The following MTHFD1L variants were observed in gnomAD, a reference collection of about 807,000 sequenced individuals.
MTHFD1L encodes monofunctional C1-tetrahydrofolate synthase, mitochondrial.
A neutral mutation model predicts 119.5 loss-of-function variants in MTHFD1L; 81 were observed. The ratio of observed to expected loss-of-function variants is 0.68; its 90% CI spans 0.57 to 0.82. The LOEUF (loss-of-function observed/expected upper bound fraction) is 0.82. Ranked by LOEUF, MTHFD1L falls within the 40% of genes least tolerant of loss-of-function variation. MTHFD1L has a pLI of 0.00. For missense variants in MTHFD1L, 1,125 were observed against 1,253.4 expected, an observed-to-expected ratio of 0.90 and a Z score of 1.55; for synonymous variants, 430 against 475.2, an observed-to-expected ratio of 0.90 and a Z score of 1.24.
chr6:150,926,261 G>C lies in MTHFD1L; in HGVS notation c.1222G>C (p.Asp408His). 2 of 1,613,354 alleles carry C rather than the reference G, an allele frequency of 1.2e-6. No homozygotes were observed. Among genetic ancestry groups the C allele is most frequent in the Non-Finnish European group, 1.7e-6 (2 of 1,179,456 alleles). ...VRLSVLERLKDQADGKYVLVA... is the reference protein window; with the variant it reads ...VRLSVLERLKHQADGKYVLVA... Reference sequence around the variant, plus strand: ...TTTGTCCGTGCTAGAAAGGTTAAAGGATCAAGCAGATGGAAAATACGTCTT... The same window carrying C: ...TTTGTCCGTGCTAGAAAGGTTAAAGCATCAAGCAGATGGAAAATACGTCTT... The change falls in exon 11 of 28, where the codon GAT becomes CAT. Residue 408 changes from aspartate (D) to histidine (H), a missense_variant. Asp to His is a moderately conservative substitution (Grantham distance 81). Around this residue, in one of 3 missense-constraint regions of MTHFD1L, gnomAD observed 1,058 missense variants for 1,151.2 expected, o/e 0.92. Transcript: ENST00000367321. The surrounding 1 kb of genome is among the most constrained non-coding windows in gnomAD (Gnocchi z 4.3).
At chr6:151,004,783 G>A (rs953898249) in intron 20 of MTHFD1L, among the ~76,000 whole-genome samples, 1 of 152,218 alleles carries the variant, frequency 6.6e-6, no homozygotes, top group African/African-American at 2.4e-5. Context: ...TGCACAATAA[G>A]AGTATTAGTC....
chr6:150,973,248 C>T (rs1776038183), intron 20 of MTHFD1L, among the ~76,000 whole-genome samples: 1 of 152,210 alleles, frequency 6.6e-6, no homozygotes, highest in Non-Finnish European at 1.5e-5. Flanking sequence ...TATGCTCAGA[C>T]ATCACAAAGT....
chr6:150,995,062 C>T (rs1291668153), intron 20 of MTHFD1L, among the ~76,000 whole-genome samples: 2 of 151,736 alleles, frequency 1.3e-5, no homozygotes, highest in South Asian at 2.1e-4. Context: ...AGGCTGAGGA[C>T]ATCTCAAGAG....
intron 26 of MTHFD1L, among the ~76,000 whole-genome samples, chr6:151,047,547 A>T (rs915697375): frequency 6.6e-6 from 1 of 152,198 alleles, no homozygotes; most frequent in Non-Finnish European, 1.5e-5. Context: ...TGCATTAAGT[A>T]CGCTTCCCAG....
intron 27 of MTHFD1L, among the ~76,000 whole-genome samples, chr6:151,094,653 C>T (rs763725955): frequency 8.5e-5 from 13 of 152,222 alleles, no homozygotes; most frequent in Non-Finnish European, 1.6e-4. Context: ...AAGCAATTCT[C>T]CTGCCTCAGC....
chr6:150,907,928 G>C (rs571340374), intron 8 of MTHFD1L, among the ~76,000 whole-genome samples: 2 of 143,364 alleles, frequency 1.4e-5, no homozygotes, highest in East Asian at 4.1e-4. Flanking sequence ...ACAGAGTCTT[G>C]CTCTGTCACC....
intron 20 of MTHFD1L, among the ~76,000 whole-genome samples, chr6:150,985,972 T>C (rs925983933): frequency 1.3e-5 from 2 of 152,214 alleles, no homozygotes; most frequent in Non-Finnish European, 2.9e-5. Flanking sequence ...TCAGCTGATA[T>C]ACTTGACACC....
intron 26 of MTHFD1L, among the ~76,000 whole-genome samples, chr6:151,064,615 T>A (rs1791020440): frequency 6.6e-6 from 1 of 152,116 alleles, no homozygotes; most frequent in Admixed American, 6.6e-5. Context: ...GCCCAGCCAG[T>A]GTTAAATTAT....
chr6:150,960,820 T>G (rs1322194369), intron 18 of MTHFD1L, among the ~76,000 whole-genome samples: 1 of 152,164 alleles, frequency 6.6e-6, no homozygotes, highest in Non-Finnish European at 1.5e-5. Flanking sequence ...TCTGCTTCCA[T>G]GAACAGGAAG....
Position 150,944,541 on chromosome 6 carries a change from T to A in MTHFD1L, c.1496T>A (p.Leu499Gln). 6.2e-7 allele frequency: 1 copy of A among 1,614,192 alleles called. No individual in the cohort carries two copies. Among genetic ancestry groups the A allele is most frequent in the Non-Finnish European group, 8.5e-7 (1 of 1,180,028 alleles). ...IHAITAANNLLAAAIDTRILH... is the reference protein window; with the variant it reads ...IHAITAANNLQAAAIDTRILH... Reference sequence around the variant, plus strand: ...GCCATCACCGCTGCCAATAACTTGCTGGCTGCCGCCATCGACACGAGGATT... The same window carrying A: ...GCCATCACCGCTGCCAATAACTTGCAGGCTGCCGCCATCGACACGAGGATT... Residue 499 changes from leucine to glutamine, a missense_variant, in exon 14 of 28, where the codon CTG becomes CAG. By Grantham distance (113) the Leu-to-Gln change is moderately radical. Transcript: ENST00000367321.
intron 9 of MTHFD1L, among the ~76,000 whole-genome samples, chr6:150,921,966 T>A (rs1789021659): frequency 6.6e-6 from 1 of 152,230 alleles, no homozygotes; most frequent in Non-Finnish European, 1.5e-5. Flanking sequence ...ACTATCAAAC[T>A]CTTCAGTGCG....
At chr6:150,885,575 C>T (rs904006061) in intron 5 of MTHFD1L, 59 bp from the exon 6 acceptor site, 16 of 1,251,316 alleles carry the variant, frequency 1.3e-5, no homozygotes, top group African/African-American at 3.0e-5. Flanking sequence ...GTACATTACA[C>T]GTGAGTGATT....
intron 20 of MTHFD1L, among the ~76,000 whole-genome samples, chr6:150,993,691 G>A (rs1029762316): frequency 6.6e-6 from 1 of 152,092 alleles, no homozygotes; most frequent in Admixed American, 6.6e-5. Context: ...CCCCTCCAAA[G>A]TGCCGTAAGT....
intron 16 of MTHFD1L, among the ~76,000 whole-genome samples, chr6:150,951,138 G>C (rs536886301): frequency 1.3e-5 from 2 of 148,872 alleles, no homozygotes; most frequent in East Asian, 4.0e-4. Context: ...CCAGGCTCAA[G>C]CAATTCTCCT....
At chr6:150,866,426 G>T (rs1778330069) in intron 1 of MTHFD1L, 1 of 1,352,166 alleles carries the variant, frequency 7.4e-7, no homozygotes, top group Middle Eastern at 2.7e-4. Context: ...ACCAGGGGAG[G>T]GGGCGAGGAG....
intron 18 of MTHFD1L, among the ~76,000 whole-genome samples, chr6:150,963,162 C>T (rs761711695): frequency 2.6e-5 from 4 of 152,058 alleles, no homozygotes; most frequent in Non-Finnish European, 5.9e-5. Context: ...GTGATCCACC[C>T]GCCTTGGCCT....
chr6:151,031,008 T>A (rs766288957), intron 24 of MTHFD1L, among the ~76,000 whole-genome samples: 10 of 152,188 alleles, frequency 6.6e-5, no homozygotes, highest in Non-Finnish European at 1.3e-4. Context: ...TGGTGAGACC[T>A]CATCTCTACC....
chr6:150,868,027 T>C (rs1052189283), intron 1 of MTHFD1L, among the ~76,000 whole-genome samples: 7 of 152,118 alleles, frequency 4.6e-5, no homozygotes, highest in African/African-American at 1.7e-4. Flanking sequence ...CTTGAACTCC[T>C]GACCTCAGGT....
intron 8 of MTHFD1L, among the ~76,000 whole-genome samples, chr6:150,909,929 C>G (rs1786570893): frequency 1.3e-5 from 2 of 152,102 alleles, no homozygotes; most frequent in East Asian, 1.9e-4. Context: ...GCCTGTAATC[C>G]CAGCACTTTG....
Sources: allele counts gnomAD v4.1 joint callset (sites outside exome capture counted in the v4.1 genomes callset), GRCh38; gene constraint gnomAD v4.1.1; regional missense constraint gnomAD v4.1.1; non-coding constraint Gnocchi (gnomAD v3.1); transcripts MANE v1.5; gene names NCBI Gene and HGNC (gene_info 2026-07-23, HGNC 2026-07-21).